Variants in DENND4A observed in about 807,000 individuals in gnomAD.
DENND4A encodes the protein C-myc promoter-binding protein.
In DENND4A, 70 loss-of-function variants were observed where a neutral mutation model predicts 199.3. That is an observed-to-expected ratio of 0.35 (90% CI 0.29 to 0.43). The LOEUF is 0.43. DENND4A is among the 20% of genes least tolerant of loss of function. DENND4A has a pLI of 1.00. For missense variants in DENND4A, 1,723 were observed against 2,255.8 expected (o/e 0.76, Z 4.78); for synonymous variants, 686 against 766.9 (o/e 0.89, Z 1.74).
intron 23 of DENND4A, among the ~76,000 whole-genome samples, chr15:65,685,221 G>A (rs2076727120): frequency 1.3e-5 from 2 of 151,996 alleles, no homozygotes; most frequent in South Asian, 4.1e-4. Flanking sequence ...CCGCCTCCCG[G>A]GGTCACGCCA....
chr15:65,772,020 G>C, intron 1 of DENND4A: 1 of 1,421,562 alleles, frequency 7.0e-7, no homozygotes, highest in Middle Eastern at 1.8e-4. Context: ...GCAGGCCAAG[G>C]GCAGTGGGTA....
intron 12 of DENND4A, among the ~76,000 whole-genome samples, chr15:65,718,760 C>CT (rs1038227560): frequency 0.057 from 3,876 of 67,694 alleles, 319 homozygotes; most frequent in Non-Finnish European, 0.072. Flanking sequence ...GTTTTTTTTC[C>CT]TTTTTTTTTT....
chr15:65,771,088 TTC>T, intron 1 of DENND4A: 1 of 1,297,600 alleles, frequency 7.7e-7, no homozygotes, highest in Non-Finnish European at 1.1e-6. Flanking sequence ...TATCAGATCT[TTC>T]CCTTCATCTC....
At chr15:65,785,172 T>C (rs572718764) in intron 1 of DENND4A, among the ~76,000 whole-genome samples, 8 of 151,874 alleles carry the variant, frequency 5.3e-5, no homozygotes, top group African/African-American at 1.7e-4. Flanking sequence ...AATATTTTTT[T>C]TGTTTCTAAA....
Position 65,661,711 on chromosome 15 carries a change from T to C in DENND4A, c.*140A>G. 1.4e-6 allele frequency: 1 copy of C among 699,292 alleles called. No individual in the cohort carries two copies. Among genetic ancestry groups the C allele is most frequent in the South Asian group, 3.0e-5 (1 of 33,006 alleles). The allele number at this position is 699,292 out of a possible 1,614,324, so 43.3% of individuals were successfully genotyped here. On this transcript the variant is annotated 3_prime_UTR_variant, in exon 33 of 33. Coordinates refer to ENST00000443035, the MANE Select transcript of DENND4A (RefSeq NM_001320835.1). ...ACTATTCTCTTCTTCAAACATTCTG[T>C]ACATAAGCTGTCTGAGTCTTTTGAA...
rs543055180 is a variant in DENND4A at position 65,715,410 on chromosome 15, T to C, written c.1953+68A>G. 1.1e-3 allele frequency: 1,545 copies of C among 1,414,754 alleles called. 2 individuals are homozygous for C. Among genetic ancestry groups the C allele is most frequent in the Non-Finnish European group, 1.3e-3 (1,421 of 1,053,848 alleles). The allele number at this position is 1,414,754 out of a possible 1,614,324, so 87.6% of individuals were successfully genotyped here. Reference sequence around the variant, plus strand: ...TTCATTAAAAGCTGTACATAGAAACTATAACTCATAACATTTATAACAGTC... The same window carrying C: ...TTCATTAAAAGCTGTACATAGAAACCATAACTCATAACATTTATAACAGTC... On this transcript the variant is annotated intron_variant, in intron 14 of 32. Transcript: ENST00000443035.
Position 65,702,336 on chromosome 15 carries a change from A to G in DENND4A, c.2399T>C (p.Met800Thr). 1 of 1,552,312 alleles carries G rather than the reference A, an allele frequency of 6.4e-7. No homozygotes were observed. The highest frequency in any genetic ancestry group is 8.7e-7 in the Non-Finnish European group (1 of 1,147,208). ...AGGTGGATCCATCTTCTTTGACTGC[A>G]TTTTTTTAAGCACATCATATGCTGT... is the stretch of plus-strand genomic sequence containing the variant. Reference protein sequence around the residue: ...LKTAYDVLKKMQSKKMDPPDE... With the variant: ...LKTAYDVLKKTQSKKMDPPDE... Residue 800 changes from methionine (M) to threonine (T), a missense_variant, in exon 17 of 33, where the codon ATG (methionine) becomes ACG (threonine). Coordinates refer to ENST00000443035, the MANE Select transcript of DENND4A (RefSeq NM_001320835.1).
rs905472842 is a variant in DENND4A, at chr15:65,733,909, C to A, written c.1041-1091G>T. Among the ~76,000 whole-genome samples, 39 of 152,320 alleles carry A rather than the reference C, an allele frequency of 2.6e-4. 1 individual carries two copies. The highest frequency in any genetic ancestry group is 9.4e-4 in the African/African-American group (39 of 41,578). ...CAGCATGCTCCTTAACAGTCATCACCACTCCCTAATCTCAAGTACCCAGGG... is the reference window on the plus strand; with the variant it reads ...CAGCATGCTCCTTAACAGTCATCACAACTCCCTAATCTCAAGTACCCAGGG... On this transcript the variant is annotated intron_variant, in intron 7 of 32. Transcript: ENST00000443035.
chr15:65,729,507 C>T, intron 10 of DENND4A, 27 bp downstream of exon 10: 1 of 1,585,486 alleles, frequency 6.3e-7, no homozygotes, highest in Non-Finnish European at 8.6e-7. Context: ...ACTAAATTGA[C>T]TGCCAATAAG....
chr15:65,741,773 T>C lies in DENND4A; in HGVS notation c.573A>G (p.Ala191=). 1 of 1,611,722 alleles carries C rather than the reference T, an allele frequency of 6.2e-7. No individual in the cohort carries two copies. Among genetic ancestry groups the C allele is most frequent in the African/African-American group, 1.3e-5 (1 of 75,036 alleles). The change falls in exon 5 of 33, where the codon GCA becomes GCG. Residue 191 remains alanine (A), a synonymous_variant. Coordinates refer to ENST00000443035, the MANE Select transcript of DENND4A (RefSeq NM_001320835.1). ...KNLNNSMWGS[A]VYLCYKKSVA... is the part of the protein sequence containing the mutation. ...CCGATTTTTTATAACACAAGTATACTGCTGATCCCCACTGGATTTAAAAAA... is the reference window on the plus strand; with the variant it reads ...CCGATTTTTTATAACACAAGTATACCGCTGATCCCCACTGGATTTAAAAAA...
At chr15:65,751,921 G>A (rs1253233578) in intron 4 of DENND4A, among the ~76,000 whole-genome samples, 1 of 152,046 alleles carries the variant, frequency 6.6e-6, no homozygotes, top group Non-Finnish European at 1.5e-5. Context: ...GAAAGCAGAG[G>A]AATATGAGAT....
chr15:65,715,433 G>A, intron 14 of DENND4A, 45 bp downstream of exon 14: 1 of 1,532,394 alleles, frequency 6.5e-7, no homozygotes, highest in Non-Finnish European at 8.8e-7. Context: ...ATTTATAACA[G>A]TCACACAAAA....
chr15:65,724,204 A>C (rs1230953484), intron 11 of DENND4A, among the ~76,000 whole-genome samples: 1 of 152,038 alleles, frequency 6.6e-6, no homozygotes, highest in Non-Finnish European at 1.5e-5. Context: ...CTGAGACTAC[A>C]GGCGCGCACC....
chr15:65,737,992 T>C (rs200364121), intron 6 of DENND4A, 47 bp from the exon 7 acceptor site: 32 of 1,499,782 alleles, frequency 2.1e-5, no homozygotes, highest in Non-Finnish European at 2.6e-5. Flanking sequence ...GTATCATATA[T>C]CCAAATCACA....
intron 4 of DENND4A, among the ~76,000 whole-genome samples, chr15:65,743,884 G>A (rs2076319751): frequency 6.6e-6 from 1 of 152,136 alleles, no homozygotes; most frequent in African/African-American, 2.4e-5. Context: ...GATCATGTGG[G>A]TCCTTTTAGG....
At chr15:65,689,423 T>G (rs1048320193) in intron 23 of DENND4A, among the ~76,000 whole-genome samples, 1 of 152,184 alleles carries the variant, frequency 6.6e-6, no homozygotes, top group Non-Finnish European at 1.5e-5. Context: ...GGATTCTAAC[T>G]GATGTTTTAT....
intron 22 of DENND4A, 97 bp downstream of exon 22, chr15:65,696,269 C>A: frequency 7.0e-7 from 1 of 1,428,674 alleles, no homozygotes; most frequent in South Asian, 1.4e-5. Context: ...TTTTTAAAAT[C>A]ACCTTGGAGA....
chr15:65,771,430 C>G lies in DENND4A; in HGVS notation c.-101-9992G>C, dbSNP rs896152755. The G allele has an allele frequency of 2.2e-4, 344 of 1,593,248 alleles. 1 individual carries two copies. Among genetic ancestry groups the G allele is most frequent in the Admixed American group, 7.2e-4 (43 of 59,974 alleles). ...CCTTGCTGACATAATAAACACCACC[C>G]AAGTTTTCTGTCTGCGTTTTAATAG... On this transcript the variant is annotated intron_variant, in intron 1 of 32. Transcript: ENST00000443035.
chr15:65,778,889 G>A (rs1197498852), intron 1 of DENND4A, among the ~76,000 whole-genome samples: 5 of 115,380 alleles, frequency 4.3e-5, no homozygotes, highest in East Asian at 6.9e-4. Flanking sequence ...ACGAGACTCC[G>A]CATCAAAAAA....
Sources: allele counts gnomAD v4.1 joint callset (sites outside exome capture counted in the v4.1 genomes callset), GRCh38; gene constraint gnomAD v4.1.1; transcripts MANE v1.5; gene names NCBI Gene and HGNC (gene_info 2026-07-23, HGNC 2026-07-21).